The following HEATR5A variants were observed in gnomAD, a reference collection of about 807,000 sequenced individuals.
The protein encoded by HEATR5A is HEAT repeat-containing protein 5A.
In HEATR5A, 178 loss-of-function variants were observed where a neutral mutation model predicts 218.8. The observed-to-expected ratio is 0.81, with a 90% confidence interval of 0.72 to 0.92. The LOEUF is 0.92. Ranked by LOEUF, HEATR5A falls within the 40% of genes least tolerant of loss-of-function variation. The pLI is 0.00. For synonymous variants in HEATR5A, 864 were observed against 871.6 expected (o/e 0.99, Z 0.15); for missense variants, 2,420 against 2,418.9 (o/e 1.00, Z -0.01).
chr14:31,419,568 G>A (rs1378952424), intron 1 of HEATR5A, among the ~76,000 whole-genome samples: 1 of 152,038 alleles, frequency 6.6e-6, no homozygotes, highest in African/African-American at 2.4e-5. Context: ...TTCCTTAAGG[G>A]CGCCTAGCCC....
At chr14:31,374,706 G>C in intron 12 of HEATR5A, 110 bp downstream of exon 12, 3 of 961,772 alleles carry the variant, frequency 3.1e-6, no homozygotes, top group Non-Finnish European at 4.5e-6. Flanking sequence ...AAAATCATTA[G>C]TGGCATATCC....
chr14:31,325,104 T>C (rs1900221935), intron 23 of HEATR5A, among the ~76,000 whole-genome samples: 1 of 152,208 alleles, frequency 6.6e-6, no homozygotes, highest in East Asian at 1.9e-4. Flanking sequence ...TTCAGGCAGG[T>C]TACCTCTCCA....
At chr14:31,399,400 G>T (rs1346232893) in intron 3 of HEATR5A, among the ~76,000 whole-genome samples, 1 of 152,056 alleles carries the variant, frequency 6.6e-6, no homozygotes, top group Non-Finnish European at 1.5e-5. Context: ...CTACATATTA[G>T]ATAACAAAAA....
At chr14:31,378,769 C>T (rs1432525741) in intron 11 of HEATR5A, among the ~76,000 whole-genome samples, 1 of 100,728 alleles carries the variant, frequency 9.9e-6, no homozygotes, top group African/African-American at 3.7e-5. Context: ...GCCTGGGTGA[C>T]AAAGTGAGAC....
intron 19 of HEATR5A, among the ~76,000 whole-genome samples, chr14:31,346,829 G>GC (rs1901037973): frequency 6.6e-6 from 1 of 152,160 alleles, no homozygotes; most frequent in Admixed American, 6.6e-5. Context: ...ATTAATAAGG[G>GC]AGACAGATAA....
At chr14:31,328,794 C>T (rs1366636925) in intron 22 of HEATR5A, among the ~76,000 whole-genome samples, 4 of 151,600 alleles carry the variant, frequency 2.6e-5, no homozygotes, top group Non-Finnish European at 4.4e-5. Context: ...GCAGGAGAAT[C>T]GCTTGAACCC....
chr14:31,332,212 TG>T (rs370083327), intron 22 of HEATR5A, among the ~76,000 whole-genome samples: 1 of 152,208 alleles, frequency 6.6e-6, no homozygotes, highest in African/African-American at 2.4e-5. Context: ...CAGTGATCTT[TG>T]ATTGGTGATC....
chr14:31,335,929 A>G (rs1377531807), intron 22 of HEATR5A, among the ~76,000 whole-genome samples: 1 of 150,944 alleles, frequency 6.6e-6, no homozygotes, highest in Non-Finnish European at 1.5e-5. Flanking sequence ...TACTGGGATT[A>G]CAAGCGTGAG....
chr14:31,300,070 C>T (rs1899320424), intron 33 of HEATR5A, among the ~76,000 whole-genome samples: 1 of 152,000 alleles, frequency 6.6e-6, no homozygotes. Flanking sequence ...CATTATTCCA[C>T]ATGCCTATTA....
intron 2 of HEATR5A, among the ~76,000 whole-genome samples, chr14:31,400,854 T>G (rs1365813575): frequency 6.6e-6 from 1 of 151,704 alleles, no homozygotes; most frequent in African/African-American, 2.4e-5. Flanking sequence ...GTTTTTTTTT[T>G]TTTGAGATGG....
chr14:31,299,571 A>C (rs1899298830), intron 33 of HEATR5A, among the ~76,000 whole-genome samples: 1 of 151,728 alleles, frequency 6.6e-6, no homozygotes, highest in Non-Finnish European at 1.5e-5. Context: ...AATACAAAAA[A>C]AATTAGCCAG....
At chr14:31,375,424 T>A (rs1459464765) in intron 11 of HEATR5A, among the ~76,000 whole-genome samples, 1 of 152,100 alleles carries the variant, frequency 6.6e-6, no homozygotes, top group Non-Finnish European at 1.5e-5. Context: ...TCTTTCTCTG[T>A]CCCCCAGGCT....
At chr14:31,348,921 T>C (rs1361728542) in intron 18 of HEATR5A, among the ~76,000 whole-genome samples, 3 of 152,242 alleles carry the variant, frequency 2.0e-5, no homozygotes, top group African/African-American at 7.2e-5. Flanking sequence ...TTATTATACA[T>C]ATATAACTAA....
intron 2 of HEATR5A, among the ~76,000 whole-genome samples, chr14:31,401,912 G>A (rs2030892142): frequency 6.6e-6 from 1 of 152,174 alleles, no homozygotes; most frequent in Non-Finnish European, 1.5e-5. Context: ...TCTGAATAAA[G>A]AGTACACAGT....
At chr14:31,316,071 C>T in intron 26 of HEATR5A, 122 bp from the exon 27 acceptor site, 3 of 704,512 alleles carry the variant, frequency 4.3e-6, no homozygotes, top group Non-Finnish European at 6.6e-6. Flanking sequence ...TCGCTTGAGC[C>T]CAGGAGTTTG....
At chr14:31,383,847 T>G (rs895973354) in intron 9 of HEATR5A, 76 bp from the exon 10 acceptor site, 1 of 1,058,202 alleles carries the variant, frequency 9.4e-7, no homozygotes, top group Non-Finnish European at 1.3e-6. Flanking sequence ...AAAGAATACA[T>G]AGCCACATGG....
chr14:31,337,660 GC>G lies in HEATR5A; in HGVS notation c.3229-47del, dbSNP rs1235448444. ...AACGACAGAGCTAAAATTCTTGTTGGCACTCAGTGAGTCTAATAGATATTCA... is the reference window on the plus strand; with the variant it reads ...AACGACAGAGCTAAAATTCTTGTTGGACTCAGTGAGTCTAATAGATATTCA... On this transcript the variant is annotated intron_variant, in intron 21 of 35. Transcript: ENST00000543095. 1.9e-6 allele frequency: 3 copies of G among 1,558,658 alleles called. No homozygotes were observed. In the East Asian group the frequency reaches 7.0e-5, roughly 36 times the overall value.
At chr14:31,329,120 A>T (rs1036457179) in intron 22 of HEATR5A, among the ~76,000 whole-genome samples, 1 of 151,840 alleles carries the variant, frequency 6.6e-6, no homozygotes, top group South Asian at 2.1e-4. Context: ...TGATCCATTT[A>T]CCTCCCACCA....
chr14:31,354,156 C>T (rs575110773), intron 16 of HEATR5A, among the ~76,000 whole-genome samples: 11 of 151,552 alleles, frequency 7.3e-5, no homozygotes, highest in South Asian at 4.2e-4. Context: ...AGGAAGATTA[C>T]GGAGGGTAAA....
Sources: gnomAD v4.1 joint callset for allele counts (sites outside exome capture counted in the v4.1 genomes callset) on GRCh38, gnomAD v4.1.1 for gene constraint, MANE v1.5 for transcripts, NCBI Gene and HGNC (gene_info 2026-07-23, HGNC 2026-07-21) for gene names.